KATNIP: variants seen among roughly 807,000 people sequenced by gnomAD.
The protein encoded by KATNIP is katanin interacting protein.
In KATNIP, 126 loss-of-function variants were observed where a neutral mutation model predicts 174.0. The observed-to-expected ratio is 0.72, with a 90% CI of 0.63 to 0.84. The LOEUF (loss-of-function observed/expected upper bound fraction) is 0.84, where lower values mean the gene tolerates loss of function less well. KATNIP is among the 40% of genes least tolerant of loss of function. KATNIP has a pLI of 0.00. For synonymous variants in KATNIP, 810 were observed against 835.7 expected (o/e 0.97, Z 0.53); for missense variants, 1,958 against 2,109.7 (o/e 0.93, Z 1.41).
chr16:27,624,768 T>C (rs1023566583), intron 3 of KATNIP, among the ~76,000 whole-genome samples: 6 of 152,114 alleles, frequency 3.9e-5, no homozygotes, highest in Admixed American at 3.3e-4. Flanking sequence ...TGCAGTGAGC[T>C]GTGATCACAC....
chr16:27,681,168 T>A, intron 7 of KATNIP: 1 of 496,268 alleles, frequency 2.0e-6, no homozygotes, highest in Non-Finnish European at 3.7e-6. Context: ...AACCTGTGCA[T>A]GTCCTAGAAT....
In KATNIP at chr16:27,749,998, C is replaced by G; in HGVS notation, c.3038C>G (p.Ala1013Gly). ...GEPVQISNIKADPPDINILPA... is the reference protein window; with the variant it reads ...GEPVQISNIKGDPPDINILPA... ...CCGGTGCAGATTTCAAACATAAAAGCAGACCCTCCCGATATCAATATTTTA... is the reference window on the plus strand; with the variant it reads ...CCGGTGCAGATTTCAAACATAAAAGGAGACCCTCCCGATATCAATATTTTA... Residue 1013 changes from alanine to glycine, a missense_variant, in exon 16 of 28, where the codon GCA becomes GGA. By Grantham distance (60) the Ala-to-Gly change is moderately conservative. Coordinates refer to ENST00000261588, the MANE Select transcript of KATNIP (RefSeq NM_015202.5). The G allele has an allele frequency of 1.2e-6, 2 of 1,614,184 alleles. No individual in the cohort carries two copies. The highest frequency in any genetic ancestry group is 1.7e-6 in the Non-Finnish European group (2 of 1,180,028).
chr16:27,735,148 C>A (rs944248768), intron 14 of KATNIP, among the ~76,000 whole-genome samples: 1 of 152,204 alleles, frequency 6.6e-6, no homozygotes, highest in African/African-American at 2.4e-5. Flanking sequence ...GTACGACCCT[C>A]CCACCTCCCT....
chr16:27,695,503 A>G (rs1235863549), intron 8 of KATNIP, among the ~76,000 whole-genome samples: 1 of 152,170 alleles, frequency 6.6e-6, no homozygotes, highest in Non-Finnish European at 1.5e-5. Context: ...TGCCCCTGAT[A>G]TCCACACTCC....
intron 14 of KATNIP, 125 bp from the exon 15 acceptor site, chr16:27,739,916 T>G: frequency 9.3e-7 from 1 of 1,070,370 alleles, no homozygotes. Flanking sequence ...GCACTGTGGT[T>G]TTCAAAAGCT....
chr16:27,646,895 A>G (rs2076973525), intron 5 of KATNIP, among the ~76,000 whole-genome samples: 1 of 152,114 alleles, frequency 6.6e-6, no homozygotes, highest in Non-Finnish European at 1.5e-5. Context: ...TCCCCCCAGC[A>G]CCAGTCAGCT....
chr16:27,761,717 G>A (rs939806679), intron 19 of KATNIP, 127 bp downstream of exon 19: 4 of 851,556 alleles, frequency 4.7e-6, no homozygotes, highest in African/African-American at 1.7e-5. Flanking sequence ...ACCCTGTGAG[G>A]TAATGTGGTC....
intron 2 of KATNIP, among the ~76,000 whole-genome samples, chr16:27,580,475 G>A (rs2090654936): frequency 6.6e-6 from 1 of 152,354 alleles, no homozygotes; most frequent in East Asian, 1.9e-4. Context: ...CCACAGGCCA[G>A]TGAGAGAGTC....
chr16:27,679,403 T>G (rs1219185137), intron 7 of KATNIP, among the ~76,000 whole-genome samples: 1 of 152,112 alleles, frequency 6.6e-6, no homozygotes, highest in Admixed American at 6.6e-5. Flanking sequence ...AATTACCTCT[T>G]TAAAGACCTT....
intron 2 of KATNIP, among the ~76,000 whole-genome samples, chr16:27,610,383 TTGGAGAGAC>T (rs1329608764): frequency 6.6e-6 from 1 of 152,094 alleles, no homozygotes; most frequent in African/African-American, 2.4e-5. Context: ...ACTCCAAGGA[TTGGAGAGAC>T]CTTCCTAGGG....
intron 8 of KATNIP, among the ~76,000 whole-genome samples, chr16:27,682,102 GT>G (rs1464514317): frequency 1.3e-5 from 2 of 152,108 alleles, no homozygotes; most frequent in Admixed American, 1.3e-4. Flanking sequence ...TTTTATTTTT[GT>G]TTTACTCTTA....
intron 18 of KATNIP, 70 bp downstream of exon 18, chr16:27,754,321 C>A: frequency 7.5e-7 from 1 of 1,332,236 alleles, no homozygotes; most frequent in Non-Finnish European, 1.1e-6. Context: ...GTTGTGGCCA[C>A]TTGGGACAGG....
rs1031002424 is a variant in KATNIP, at chr16:27,621,104, C to T, written c.140+2603C>T. On this transcript the variant is annotated intron_variant, in intron 3 of 27. Coordinates refer to ENST00000261588, the MANE Select transcript of KATNIP (RefSeq NM_015202.5). Reference sequence around the variant, plus strand: ...GCTTGAGCCCAGAAGTTCAAAACCCCGTCTCTAAAATATTTTTTTTAAATA... The same window carrying T: ...GCTTGAGCCCAGAAGTTCAAAACCCTGTCTCTAAAATATTTTTTTTAAATA... 3.3e-5 allele frequency among the ~76,000 whole-genome samples: 5 copies of T among 151,980 alleles called. No homozygotes were observed. The East Asian group carries it at 5.8e-4, about 18-fold the overall frequency.
At chr16:27,757,127 C>T (rs911747216) in intron 18 of KATNIP, among the ~76,000 whole-genome samples, 2 of 152,186 alleles carry the variant, frequency 1.3e-5, no homozygotes, top group Non-Finnish European at 2.9e-5. Context: ...CTCTGTGGCC[C>T]AGGCTAGAGT....
chr16:27,553,780 G>A (rs1318823588), intron 1 of KATNIP, among the ~76,000 whole-genome samples: 1 of 152,092 alleles, frequency 6.6e-6, no homozygotes, highest in African/African-American at 2.4e-5. Context: ...AGACCAGCCT[G>A]GGCAACTTAG....
Position 27,776,915 on chromosome 16 carries a change from C to A in KATNIP, c.4450-13C>A. 1 of 1,580,270 alleles carries A rather than the reference C, an allele frequency of 6.3e-7. No individual in the cohort carries two copies. Among genetic ancestry groups the A allele is most frequent in the Non-Finnish European group, 8.7e-7 (1 of 1,149,416 alleles). ...CAAACATGCCTGTTTTAATTAGTGC[C>A]GCTCTCTGACAGGTGAACCGGGTTT... On this transcript the variant is annotated splice_polypyrimidine_tract_variant and intron_variant, in intron 24 of 27. Transcript: ENST00000261588. The surrounding 1 kb of genome is among the most constrained non-coding windows in gnomAD (Gnocchi z 4.7).
At chr16:27,676,129 C>G (rs1171000405) in intron 6 of KATNIP, among the ~76,000 whole-genome samples, 3 of 152,184 alleles carry the variant, frequency 2.0e-5, no homozygotes, top group Non-Finnish European at 2.9e-5. Context: ...CAGTCTGTCT[C>G]TTTCCTCTCA....
chr16:27,597,356 G>A (rs1403061241), intron 2 of KATNIP, among the ~76,000 whole-genome samples: 4 of 145,540 alleles, frequency 2.7e-5, no homozygotes, highest in African/African-American at 7.6e-5. Flanking sequence ...GTATACCTGA[G>A]TGTATCCATA....
At chr16:27,630,034 A>G (rs1260325573) in intron 4 of KATNIP, among the ~76,000 whole-genome samples, 1 of 152,230 alleles carries the variant, frequency 6.6e-6, no homozygotes, top group African/African-American at 2.4e-5. Flanking sequence ...ATAAATATTT[A>G]AAAAACAATA....
Sources: allele counts gnomAD v4.1 joint callset (sites outside exome capture counted in the v4.1 genomes callset), GRCh38; gene constraint gnomAD v4.1.1; non-coding constraint Gnocchi (gnomAD v3.1); transcripts MANE v1.5; gene names NCBI Gene and HGNC (gene_info 2026-07-23, HGNC 2026-07-21).